The following RBM5 variants were observed in gnomAD, a reference collection of about 807,000 sequenced individuals.
RBM5 encodes RNA-binding protein 5.
Under a neutral mutation model 124.6 loss-of-function variants are expected in RBM5, and 15 were observed. The observed-to-expected ratio is 0.12, with a 90% CI of 0.08 to 0.19. The LOEUF (loss-of-function observed/expected upper bound fraction) is 0.19, where lower values mean the gene tolerates loss of function less well. RBM5 is among the 10% of genes least tolerant of loss of function. The probability of loss-of-function intolerance (pLI) is 1.00; values close to 1 mark genes in which losing one functional copy is unlikely to be tolerated. For missense variants in RBM5, 580 were observed against 1,026.5 expected (o/e 0.57, Z 5.94); for synonymous variants, 337 against 361.2 (o/e 0.93, Z 0.76).
rs760768135 is a variant in RBM5, at chr3:50,108,155, GATT to G, written c.1119+9_1119+11del. The G allele has an allele frequency of 2.7e-5, 44 of 1,607,386 alleles. No individual in the cohort carries two copies. The African/African-American group carries it at 5.2e-4, about 19-fold the overall frequency. On this transcript the variant is annotated intron_variant, in intron 13 of 24. Coordinates refer to ENST00000347869, the MANE Select transcript of RBM5 (RefSeq NM_005778.4). ...TATGCCCAATATGCTCAGGTAGGTA[GATT>G]TTAGCAGCATCCACCTTATAGTCTT...
rs759411830 is a variant in RBM5 at position 50,108,323 on chromosome 3, C to G, written c.1192+19C>G. On this transcript the variant is annotated intron_variant, in intron 14 of 24. Coordinates refer to ENST00000347869, the MANE Select transcript of RBM5 (RefSeq NM_005778.4). ...GCATCAGGTAGTAAACTTCATCTCC[C>G]TTTTACCTTTTGTTTAAGCACTTAC... 1.3e-6 allele frequency: 2 copies of G among 1,586,000 alleles called. No individual in the cohort carries two copies. The highest frequency in any genetic ancestry group is 2.7e-5 in the African/African-American group (2 of 74,368).
At chr3:50,099,366 C>CT (rs2090892571) in intron 4 of RBM5, among the ~76,000 whole-genome samples, 1 of 152,034 alleles carries the variant, frequency 6.6e-6, no homozygotes, top group South Asian at 2.1e-4. Context: ...AATGTTCTCT[C>CT]TTTTTTGTGC....
chr3:50,093,593 G>T (rs2090749753), intron 3 of RBM5, 127 bp from the exon 4 acceptor site: 2 of 1,053,216 alleles, frequency 1.9e-6, no homozygotes, highest in Non-Finnish European at 2.7e-6. Flanking sequence ...AAATTGCAGT[G>T]AACATTACCA....
Position 50,117,324 on chromosome 3 carries a change from G to A in RBM5, c.2267G>A (p.Trp756Ter). 6.2e-7 allele frequency: 1 copy of A among 1,614,234 alleles called. No individual in the cohort carries two copies. The highest frequency in any genetic ancestry group is 8.5e-7 in the Non-Finnish European group (1 of 1,180,038). Residue 756 changes from tryptophan (W) to a stop codon, truncating the protein, a stop_gained, in exon 24 of 25, where the codon TGG (tryptophan) becomes TAG (stop). Transcript: ENST00000347869. LOFTEE classifies it high-confidence loss of function. This position sits in a 1 kb window ranked among gnomAD's most constrained non-coding sequence, Gnocchi z 4.2. ...AACAAGATGCTGCAGGCCATGGGCT[G>A]GCGGGAAGGCTCTGGCTTGGGACGA... Reference protein sequence around the residue: ...IGNKMLQAMGWREGSGLGRKC... With the variant: ...IGNKMLQAMG
At chr3:50,105,440 A>G (rs2091010614) in intron 9 of RBM5, 109 bp from the exon 10 acceptor site, 1 of 1,202,288 alleles carries the variant, frequency 8.3e-7, no homozygotes, top group Non-Finnish European at 1.2e-6. Context: ...TAGAAAATAC[A>G]CTAGGAATGT....
At chr3:50,099,502 A>G (rs2090894466) in intron 4 of RBM5, 1 of 152,652 alleles carries the variant, frequency 6.6e-6, no homozygotes, top group Non-Finnish European at 1.5e-5. Context: ...GTTCGAGACT[A>G]GCCTGTCCAA....
Position 50,090,401 on chromosome 3 carries a change from T to C in RBM5, c.-34T>C, listed in dbSNP as rs200704750. Reference sequence around the variant, plus strand: ...TCCTAGAAAAAATAAAATTTGAACCTTTTGGAGCTGTGTGCTAAATCTTCA... The same window carrying C: ...TCCTAGAAAAAATAAAATTTGAACCCTTTGGAGCTGTGTGCTAAATCTTCA... On this transcript the variant is annotated 5_prime_UTR_variant, in exon 2 of 25. Coordinates refer to ENST00000347869, the MANE Select transcript of RBM5 (RefSeq NM_005778.4). 1.9e-4 allele frequency: 313 copies of C among 1,613,130 alleles called. No individual in the cohort carries two copies. The highest frequency in any genetic ancestry group is 2.4e-4 in the Non-Finnish European group (287 of 1,179,474).
chr3:50,114,361 C>G, intron 20 of RBM5, 110 bp downstream of exon 20: 1 of 1,091,926 alleles, frequency 9.2e-7, no homozygotes. Flanking sequence ...TGAATGTGAT[C>G]ACTGTTGATG....
chr3:50,112,398 G>A (rs553326612), intron 17 of RBM5, among the ~76,000 whole-genome samples: 48 of 130,812 alleles, frequency 3.7e-4, no homozygotes, highest in Admixed American at 1.5e-3. Context: ...CCTGGGTGAC[G>A]GAGCGAGACT....
chr3:50,091,893 A>T, intron 2 of RBM5, 150 bp from the exon 3 acceptor site: 1 of 797,554 alleles, frequency 1.3e-6, no homozygotes, highest in Non-Finnish European at 2.1e-6. Context: ...TGGTTATCTT[A>T]GTAAACTGGA....
chr3:50,107,003 T>C (rs1014379531), intron 11 of RBM5, 139 bp downstream of exon 11: 3 of 757,202 alleles, frequency 4.0e-6, no homozygotes, highest in African/African-American at 1.7e-5. Context: ...GAGGGACACG[T>C]TTGTCTTCTT....
intron 21 of RBM5, 67 bp downstream of exon 21, chr3:50,115,674 C>T (rs1559698251): frequency 2.0e-6 from 3 of 1,528,638 alleles, no homozygotes; most frequent in Non-Finnish European, 2.6e-6. Context: ...AGTGCCCTAA[C>T]AGTCCTGACG....
intron 8 of RBM5, 196 bp downstream of exon 8, chr3:50,104,504 G>T (rs2090996112): frequency 5.4e-6 from 3 of 558,516 alleles, no homozygotes; most frequent in East Asian, 3.1e-5. Context: ...TTATCTGGGT[G>T]TGGTGGCACA....
chr3:50,092,383 A>G (rs2090719189), intron 3 of RBM5, among the ~76,000 whole-genome samples, 175 bp downstream of exon 3: 1 of 152,020 alleles, frequency 6.6e-6, no homozygotes, highest in South Asian at 2.1e-4. Flanking sequence ...CCAACATAGT[A>G]AAACCCGTCT....
chr3:50,114,031 T>C lies in RBM5; in HGVS notation c.1699T>C (p.Ser567Pro). 1 of 1,614,204 alleles carries C rather than the reference T, an allele frequency of 6.2e-7. No homozygotes were observed. The highest frequency in any genetic ancestry group is 8.5e-7 in the Non-Finnish European group (1 of 1,180,034). ...TAAAAATAGCTTTCAGCCTGTCAAT[T>C]CCTTGAGGGAAGAAGAAAGGAGAGA... The part of the protein sequence containing the change: ...NFKNSFQPVN[S>P]LREEERRESA... The change falls in exon 19 of 25, where the codon TCC (serine) becomes CCC (proline). Residue 567 changes from serine (S) to proline (P), a missense_variant. Coordinates refer to ENST00000347869, the MANE Select transcript of RBM5 (RefSeq NM_005778.4).
intron 4 of RBM5, among the ~76,000 whole-genome samples, chr3:50,095,632 A>G (rs548993534): frequency 6.6e-6 from 1 of 151,894 alleles, no homozygotes; most frequent in South Asian, 2.1e-4. Context: ...AGACGCCTGT[A>G]TGTAAAGCCT....
intron 15 of RBM5, 155 bp downstream of exon 15, chr3:50,109,843 T>A: frequency 1.8e-6 from 1 of 570,920 alleles, no homozygotes; most frequent in Non-Finnish European, 3.1e-6. Context: ...AATTTTATGA[T>A]ATATATGTGC....
intron 12 of RBM5, 113 bp downstream of exon 12, chr3:50,107,682 T>A: frequency 2.0e-6 from 1 of 508,938 alleles, no homozygotes; most frequent in Non-Finnish European, 3.2e-6. Flanking sequence ...CTTTTTTTTT[T>A]TTTTTTTTTT....
At chr3:50,093,945 T>C in intron 4 of RBM5, 70 bp downstream of exon 4, 1 of 1,517,746 alleles carries the variant, frequency 6.6e-7, no homozygotes, top group Non-Finnish European at 9.0e-7. Context: ...ACCATTATTT[T>C]CTCATGCTAT....
Sources: gnomAD v4.1 joint callset for allele counts (sites outside exome capture counted in the v4.1 genomes callset) on GRCh38, gnomAD v4.1.1 for gene constraint, Gnocchi (gnomAD v3.1) non-coding constraint, MANE v1.5 for transcripts, NCBI Gene and HGNC (gene_info 2026-07-23, HGNC 2026-07-21) for gene names.